The following SNX12 variants were observed in gnomAD, a reference collection of about 807,000 sequenced individuals.
SNX12 encodes the protein sorting nexin-12.
For missense variants in SNX12, 62 were observed against 141.3 expected (o/e 0.44, Z 2.84); for synonymous variants, 47 against 56.0 (o/e 0.84, Z 0.71).
At position 71,065,108 on chromosome X, in the gene SNX12, C is replaced by T. The variant is rs143869728; in HGVS notation, c.166-2159G>A. Among the ~76,000 whole-genome samples, 1,058 of 112,438 alleles carry T rather than the reference C, an allele frequency of 9.4e-3. 9 individuals carry two copies. Among genetic ancestry groups the T allele is most frequent in the African/African-American group, 0.033 (1,025 of 30,996 alleles). ...AATAAGGGCTGGATGCGGTGGCTCA[C>T]GCCTGTAATCCCAGCACTTTGGGAG... On this transcript the variant is annotated intron_variant, in intron 1 of 3. Transcript: ENST00000374274.
chrX:71,071,390 T>C (rs997685778), upstream of SNX12, among the ~76,000 whole-genome samples: 6 of 91,085 alleles, frequency 6.6e-5, no homozygotes, highest in African/African-American at 2.0e-4. Context: ...ATTATAATTA[T>C]AAATAATATA....
upstream of SNX12, among the ~76,000 whole-genome samples, chrX:71,069,813 C>T (rs12558076): frequency 0.075 from 8,322 of 110,308 alleles, 444 homozygotes; most frequent in Admixed American, 0.25. Flanking sequence ...TGGTGGCACA[C>T]GCCTGTAATC....
upstream of SNX12, among the ~76,000 whole-genome samples, chrX:71,071,451 A>G (rs2092170977): frequency 1.2e-5 from 1 of 81,087 alleles, no homozygotes; most frequent in South Asian, 5.0e-4. Flanking sequence ...TTAAATATAA[A>G]TAATTATATA....
chrX:71,064,407 TCTAA>T (rs748363822), intron 1 of SNX12, among the ~76,000 whole-genome samples: 113 of 112,758 alleles, frequency 1.0e-3, no homozygotes, highest in Non-Finnish European at 1.9e-3. Context: ...GTTTGCCTTG[TCTAA>T]CTAACTAATC....
upstream of SNX12, among the ~76,000 whole-genome samples, chrX:71,071,517 TTA>T (rs1230620708): frequency 3.5e-4 from 16 of 45,874 alleles, no homozygotes; most frequent in South Asian, 2.6e-3. Flanking sequence ...ATATATTAAT[TTA>T]TATATATATT....
intron 1 of SNX12, among the ~76,000 whole-genome samples, chrX:71,067,577 A>G: frequency 8.9e-6 from 1 of 111,991 alleles, no homozygotes; most frequent in East Asian, 2.8e-4. Flanking sequence ...CTCGGTCTCA[A>G]GGAGACTCCC....
chrX:71,069,898 G>T (rs1363224503), upstream of SNX12, among the ~76,000 whole-genome samples: 1 of 110,399 alleles, frequency 9.1e-6, no homozygotes. Flanking sequence ...CTGAGATCAT[G>T]CCACTGCACT....
At chrX:71,062,036 G>A (rs747245275) in intron 2 of SNX12, 69 bp from the exon 3 acceptor site, 48 of 1,022,790 alleles carry the variant, frequency 4.7e-5, no homozygotes, top group African/African-American at 3.1e-4. Flanking sequence ...GTAAAGCACC[G>A]TGTACCTCAT....
chrX:71,062,368 CTTTT>C (rs761195647), intron 2 of SNX12, among the ~76,000 whole-genome samples: 139 of 71,350 alleles, frequency 1.9e-3, no homozygotes, highest in African/African-American at 8.0e-3. Flanking sequence ...TTACCACTTT[CTTTT>C]TTTTTTTTTT....
At chrX:71,065,432 A>G (rs767470156) in intron 1 of SNX12, among the ~76,000 whole-genome samples, 151 of 97,051 alleles carry the variant, frequency 1.6e-3, no homozygotes, top group African/African-American at 5.4e-3. Context: ...ACTTTGGGAG[A>G]CTGAGGTGGA....
At chrX:71,067,069 T>A (rs943442588) in intron 1 of SNX12, among the ~76,000 whole-genome samples, 1 of 112,550 alleles carries the variant, frequency 8.9e-6, no homozygotes, top group African/African-American at 3.2e-5. Context: ...TCTGGCCTTT[T>A]AGTCTGAGAA....
chrX:71,061,531 G>A (rs767135513), intron 3 of SNX12, among the ~76,000 whole-genome samples: 41 of 111,843 alleles, frequency 3.7e-4, no homozygotes, highest in Non-Finnish European at 6.6e-4. Context: ...TCAGGAGTTC[G>A]AGACCAGTCT....
At chrX:71,069,555 TGGA>T (rs1052470332), upstream of SNX12, among the ~76,000 whole-genome samples, 6 of 112,180 alleles carry the variant, frequency 5.3e-5, no homozygotes, top group African/African-American at 1.9e-4. Context: ...GAGGTTCCCC[TGGA>T]GGAGGAAACA....
rs2092125302 is a variant in SNX12, at chrX:71,059,983, C to A, written c.*1033G>T. The A allele has an allele frequency of 1.8e-5, 2 of 111,956 alleles. No homozygotes were observed. Among genetic ancestry groups the A allele is most frequent in the Non-Finnish European group, 3.8e-5 (2 of 53,210 alleles). 9.2% of individuals were successfully genotyped at this position (111,956 alleles called of 1,213,427 possible). ...GCAGCAAAAACTCTTGCCCCTGAGCCCCATTCAACAACTCAAAGTGCTTAG... is the reference window on the plus strand; with the variant it reads ...GCAGCAAAAACTCTTGCCCCTGAGCACCATTCAACAACTCAAAGTGCTTAG... On this transcript the variant is annotated 3_prime_UTR_variant, in exon 4 of 4. Coordinates refer to ENST00000374274, the MANE Select transcript of SNX12 (RefSeq NM_013346.4).
chrX:71,066,539 G>A (rs1447536724), intron 1 of SNX12, among the ~76,000 whole-genome samples: 3 of 104,531 alleles, frequency 2.9e-5, no homozygotes, highest in Non-Finnish European at 5.8e-5. Context: ...GCAGCGAGCC[G>A]AGATTGCACC....
intron 1 of SNX12, among the ~76,000 whole-genome samples, chrX:71,066,503 T>C (rs1034652670): frequency 2.8e-5 from 3 of 107,769 alleles, no homozygotes; most frequent in Non-Finnish European, 5.7e-5. Context: ...GGCAGGAGAA[T>C]TGCTTGAACC....
chrX:71,066,007 G>A (rs990428457), intron 1 of SNX12, among the ~76,000 whole-genome samples: 1 of 110,607 alleles, frequency 9.0e-6, no homozygotes, highest in Non-Finnish European at 1.9e-5. Flanking sequence ...GGAAGGGACC[G>A]ATTAAAAGTT....
At chrX:71,069,174 A>G (rs1348096435), upstream of SNX12, among the ~76,000 whole-genome samples, 2 of 112,197 alleles carry the variant, frequency 1.8e-5, no homozygotes, top group African/African-American at 6.5e-5. Flanking sequence ...TGACTAATTT[A>G]CATATGCTCC....
upstream of SNX12, among the ~76,000 whole-genome samples, chrX:71,069,967 AAAG>A (rs1208507329): frequency 2.6e-5 from 2 of 76,753 alleles, no homozygotes; most frequent in African/African-American, 5.2e-5. Context: ...AAGGAAAAGA[AAAG>A]AGAGAGAGAG....
Sources: allele counts gnomAD v4.1 joint callset (sites outside exome capture counted in the v4.1 genomes callset), GRCh38; gene constraint gnomAD v4.1.1; transcripts MANE v1.5; gene names NCBI Gene and HGNC (gene_info 2026-07-23, HGNC 2026-07-21).